Variants in GRHL2 observed in about 807,000 individuals in gnomAD.
The protein encoded by GRHL2 is grainyhead-like protein 2 homolog.
GRHL2 carries 21 observed loss-of-function variants against 83.8 expected under a neutral mutation model. That is an observed-to-expected ratio of 0.25 (90% CI 0.18 to 0.36). The LOEUF is 0.36. Ranked by LOEUF, GRHL2 falls within the 10% of genes least tolerant of loss-of-function variation. GRHL2 has a pLI of 1.00. For synonymous variants in GRHL2, 280 were observed against 278.9 expected (o/e 1.00, Z -0.04); for missense variants, 623 against 781.8 (o/e 0.80, Z 2.42).
chr8:101,671,393 G>A (rs182088645), downstream of GRHL2, among the ~76,000 whole-genome samples: 12 of 152,284 alleles, frequency 7.9e-5, no homozygotes, highest in South Asian at 4.1e-4. Flanking sequence ...GGTCCTACGC[G>A]CATGGAGTCT....
the GRHL2 span, among the ~76,000 whole-genome samples, chr8:101,679,608 C>G: frequency 3.3e-5 from 5 of 150,812 alleles, no homozygotes; most frequent in Admixed American, 6.6e-5. Flanking sequence ...AGAGCAACTC[C>G]AAGACACATA....
Position 101,619,252 on chromosome 8 carries a change from C to CA in GRHL2, c.1099-280dup, listed in dbSNP as rs573863832. 3.2e-3 allele frequency among the ~76,000 whole-genome samples: 485 copies of CA among 151,104 alleles called. 2 individuals carry two copies. The highest frequency in any genetic ancestry group is 0.011 in the African/African-American group (433 of 41,166). On this transcript the variant is annotated intron_variant, in intron 8 of 15. Transcript: ENST00000646743. ...TGGGCGACAGAGTGAGGCTCTGTCT[C>CA]AAAAAAATAAAATAAAATAAAATAA...
At chr8:101,528,299 T>C (rs1461000516) in intron 1 of GRHL2, among the ~76,000 whole-genome samples, 1 of 152,218 alleles carries the variant, frequency 6.6e-6, no homozygotes, top group Non-Finnish European at 1.5e-5. Flanking sequence ...GTCTTTCCTA[T>C]TCAGTCCTCG....
chr8:101,671,320 T>G (rs1392619061), downstream of GRHL2, among the ~76,000 whole-genome samples: 1 of 152,152 alleles, frequency 6.6e-6, no homozygotes, highest in African/African-American at 2.4e-5. Context: ...CCTAATACTG[T>G]GCTTTTCCAA....
intron 9 of GRHL2, among the ~76,000 whole-genome samples, chr8:101,622,354 G>C (rs915383830): frequency 3.3e-5 from 5 of 151,940 alleles, no homozygotes; most frequent in Non-Finnish European, 7.4e-5. Context: ...TTCTTCTCGG[G>C]GACTCTAGTA....
At chr8:101,512,449 A>G (rs1810485404) in intron 1 of GRHL2, among the ~76,000 whole-genome samples, 1 of 152,100 alleles carries the variant, frequency 6.6e-6, no homozygotes, top group Admixed American at 6.6e-5. Context: ...CTATTTTAAG[A>G]AGTATCTTTG....
chr8:101,631,361 A>T (rs888011665), intron 9 of GRHL2, among the ~76,000 whole-genome samples: 1 of 152,178 alleles, frequency 6.6e-6, no homozygotes, highest in African/African-American at 2.4e-5. Context: ...TTCCATATGG[A>T]TTCAAAACTG....
intron 1 of GRHL2, among the ~76,000 whole-genome samples, chr8:101,522,744 T>TATACATATACATATAC (rs1563562867): frequency 5.7e-5 from 7 of 123,434 alleles, no homozygotes; most frequent in Admixed American, 2.3e-4. Flanking sequence ...TATACATATA[T>TATACATATACATATAC]ATATATACAC....
intron 13 of GRHL2, among the ~76,000 whole-genome samples, chr8:101,647,871 A>G (rs1892757): frequency 0.39 from 58,397 of 151,350 alleles, 12,654 homozygotes; most frequent in African/African-American, 0.58. Context: ...AAGTCCCCCC[A>G]GGATTGGGAG....
At chr8:101,644,653 G>A (rs544596876) in intron 13 of GRHL2, among the ~76,000 whole-genome samples, 1 of 152,278 alleles carries the variant, frequency 6.6e-6, no homozygotes, top group East Asian at 1.9e-4. Context: ...CCCAGTCAAA[G>A]GTCTTATTCT....
chr8:101,594,443 G>A (rs536182016), intron 7 of GRHL2, among the ~76,000 whole-genome samples: 5 of 152,284 alleles, frequency 3.3e-5, no homozygotes, highest in East Asian at 1.9e-4. Flanking sequence ...CATTCCTACC[G>A]TGGGCCGTAA....
intron 13 of GRHL2, 118 bp downstream of exon 13, chr8:101,644,343 C>T: frequency 1.3e-6 from 1 of 762,628 alleles, no homozygotes; most frequent in Non-Finnish European, 2.3e-6. Context: ...GTGACTTTCT[C>T]TTCACACAGG....
rs897843828 is a variant in GRHL2, at chr8:101,508,940, T to C, written c.20+16151T>C. ...ACCTTCCATTCTTCAGATAATTAGT[T>C]GTGGGAAATGTGGAGGCAGGTCCAG... is the stretch of plus-strand genomic sequence containing the variant. On this transcript the variant is annotated intron_variant, in intron 1 of 15. Coordinates refer to ENST00000646743, the MANE Select transcript of GRHL2 (RefSeq NM_024915.4). 3.0e-4 allele frequency among the ~76,000 whole-genome samples: 46 copies of C among 152,218 alleles called. 1 individual carries two copies. Among genetic ancestry groups the C allele is most frequent in the African/African-American group, 1.1e-3 (44 of 41,554 alleles).
chr8:101,551,993 G>A (rs1353504165), intron 2 of GRHL2, among the ~76,000 whole-genome samples: 6 of 151,546 alleles, frequency 4.0e-5, no homozygotes, highest in East Asian at 3.9e-4. Flanking sequence ...CTGCCACCAC[G>A]CCCAGCTAAT....
intron 1 of GRHL2, among the ~76,000 whole-genome samples, chr8:101,516,284 G>T (rs1053865563): frequency 1.3e-5 from 2 of 151,918 alleles, no homozygotes; most frequent in African/African-American, 4.8e-5. Context: ...TTTTATCAAA[G>T]AAGTATATTT....
chr8:101,614,759 C>G (rs1003256848), intron 8 of GRHL2, among the ~76,000 whole-genome samples: 17 of 152,200 alleles, frequency 1.1e-4, no homozygotes, highest in Non-Finnish European at 2.2e-4. Flanking sequence ...TTATCACTTT[C>G]CAAGCTAAGG....
chr8:101,603,661 T>C (rs4002334), intron 8 of GRHL2, among the ~76,000 whole-genome samples: 77,426 of 152,080 alleles, frequency 0.51, 21,617 homozygotes, highest in African/African-American at 0.74. Context: ...GCAGAGTTCT[T>C]CAACCCAAAA....
intron 8 of GRHL2, among the ~76,000 whole-genome samples, chr8:101,610,309 G>A (rs1247863455): frequency 2.0e-5 from 3 of 151,038 alleles, no homozygotes; most frequent in Non-Finnish European, 4.4e-5. Context: ...ATCATTTGAA[G>A]TTAGCTTCAC....
chr8:101,513,350 T>C (rs1052774227), intron 1 of GRHL2, among the ~76,000 whole-genome samples: 2 of 152,126 alleles, frequency 1.3e-5, no homozygotes, highest in African/African-American at 4.8e-5. Context: ...CCCAGCATTA[T>C]GGTGAGGTAT....
Sources: allele counts gnomAD v4.1 joint callset (sites outside exome capture counted in the v4.1 genomes callset), GRCh38; gene constraint gnomAD v4.1.1; transcripts MANE v1.5; gene names NCBI Gene and HGNC (gene_info 2026-07-23, HGNC 2026-07-21).